SUPV3L1: variants seen among roughly 807,000 people sequenced by gnomAD.
The protein encoded by SUPV3L1 is ATP-dependent RNA helicase SUPV3L1, mitochondrial.
A neutral mutation model predicts 70.0 loss-of-function variants in SUPV3L1; 35 were observed. The observed-to-expected ratio is 0.50, with a 90% CI of 0.38 to 0.66. The LOEUF is 0.66. Ranked by LOEUF, SUPV3L1 falls within the 30% of genes least tolerant of loss-of-function variation. The probability of loss-of-function intolerance (pLI) is 0.00; values close to 1 mark genes in which losing one functional copy is unlikely to be tolerated. For missense variants in SUPV3L1, 777 were observed against 961.5 expected (o/e 0.81, Z 2.54); for synonymous variants, 364 against 341.9 (o/e 1.06, Z -0.71).
Position 69,203,052 on chromosome 10 carries a change from T to TTATC in SUPV3L1, c.1776+11_1776+14dup. ...GTTCTTCACTGTTACAGGTAAGCCT[T>TTATC]TATCTTTAAGCTATTTTGAGTTCCT... On this transcript the variant is annotated intron_variant, in intron 13 of 14. Transcript: ENST00000359655. 6.3e-7 allele frequency: 1 copy of TTATC among 1,596,458 alleles called. No homozygotes were observed. The highest frequency in any genetic ancestry group is 8.5e-7 in the Non-Finnish European group (1 of 1,171,532).
At position 69,180,318 on chromosome 10, in the gene SUPV3L1, G is replaced by C. The variant is rs991341104; in HGVS notation, c.27G>C (p.Trp9Cys). The C allele has an allele frequency of 4.2e-5, 67 of 1,613,790 alleles. No homozygotes were observed. Among genetic ancestry groups the C allele is most frequent in the Non-Finnish European group, 5.4e-5 (64 of 1,179,986 alleles). ...TGTCCTTCTCCCGTGCCCTATTGTG[G>C]GCTCGGCTCCCGGCGGGGCGCCAGG... MSFSRALL[W>C]ARLPAGRQAG... The change falls in exon 1 of 15, where the codon TGG becomes TGC. Residue 9 changes from tryptophan (W) to cysteine (C), a missense_variant. By Grantham distance (215) the Trp-to-Cys change is radical (BLOSUM62 -2). Transcript: ENST00000359655.
rs1408544878 is a variant in SUPV3L1, at chr10:69,208,801, G to T, written c.2127G>T (p.Arg709Ser). ...GAACCTTAAAGAGCCAAGCTAGAAG[G>T]ACACGCGGCACCAAAGCTCTAGGGA... The part of the protein sequence containing the change: ...LSGTLKSQAR[R>S]TRGTKALGSK... Residue 709 changes from arginine to serine, a missense_variant, in exon 15 of 15, where the codon AGG becomes AGT. Arg to Ser is a moderately radical substitution (Grantham distance 110). Around this residue, in one of 2 missense-constraint regions of SUPV3L1, gnomAD observed 619 missense variants for 823.3 expected, o/e 0.75. Coordinates refer to ENST00000359655, the MANE Select transcript of SUPV3L1 (RefSeq NM_003171.5). The T allele has an allele frequency of 6.2e-7, 1 of 1,614,148 alleles. No individual in the cohort carries two copies. The highest frequency in any genetic ancestry group is 8.5e-7 in the Non-Finnish European group (1 of 1,180,034).
chr10:69,208,958 C>T lies in SUPV3L1; in HGVS notation c.2284C>T (p.His762Tyr), dbSNP rs780893937. ...EKEWMTQQTEHNKEKTESGTH... is the reference protein window; with the variant it reads ...EKEWMTQQTEYNKEKTESGTH... ...AGAGTGGATGACACAACAAACTGAA[C>T]ACAACAAAGAAAAAACAGAGTCTGG... is the stretch of plus-strand genomic sequence containing the variant. The change falls in exon 15 of 15, where the codon CAC becomes TAC. Residue 762 changes from histidine (H) to tyrosine (Y), a missense_variant. His to Tyr is a moderately conservative substitution (Grantham distance 83). This residue lies in a region of SUPV3L1 where 619 missense variants were observed against 823.3 expected (regional missense o/e 0.75). Transcript: ENST00000359655. 1 of 1,613,010 alleles carries T rather than the reference C, an allele frequency of 6.2e-7. No individual in the cohort carries two copies.
intron 2 of SUPV3L1, 110 bp from the exon 3 acceptor site, chr10:69,186,333 A>G (rs1166203774): frequency 1.3e-5 from 9 of 698,572 alleles, no homozygotes; most frequent in Admixed American, 1.1e-4. Context: ...GCCAAAAAAA[A>G]AAAAAAAAAA....
At position 69,180,620 on chromosome 10, in the gene SUPV3L1, T is replaced by C. The variant is rs1842027815; in HGVS notation, c.271+58T>C. On this transcript the variant is annotated intron_variant, in intron 1 of 14. Coordinates refer to ENST00000359655, the MANE Select transcript of SUPV3L1 (RefSeq NM_003171.5). ...GTGGTGTCTGCTGGGCCGAGGCTGG[T>C]TGGGAGGAAGCTACATCCCCTTCCC... 1.1e-5 allele frequency: 18 copies of C among 1,591,214 alleles called. No homozygotes were observed. In the Middle Eastern group the frequency reaches 8.4e-4, roughly 74 times the overall value.
Position 69,186,486 on chromosome 10 carries a change from T to A in SUPV3L1, c.393T>A (p.Ile131=). 2 of 1,614,060 alleles carry A rather than the reference T, an allele frequency of 1.2e-6. No individual in the cohort carries two copies. The highest frequency in any genetic ancestry group is 1.7e-6 in the Non-Finnish European group (2 of 1,179,992). ...CTTTCATAAGCTTTAGAAATTATAT[T>A]ATGCAGTCTCATTCCCTGGATGTGG... ...HQAFISFRNY[I]MQSHSLDVDI... Residue 131 remains isoleucine (I), a synonymous_variant, in exon 3 of 15, where the codon ATT becomes ATA. Transcript: ENST00000359655.
intron 13 of SUPV3L1, among the ~76,000 whole-genome samples, chr10:69,205,835 G>A (rs1201827333): frequency 6.6e-6 from 1 of 152,128 alleles, no homozygotes; most frequent in Admixed American, 6.5e-5. Context: ...ACACCCGGCC[G>A]CTCCGTGTGT....
rs546284790 is a variant in SUPV3L1 at position 69,197,409 on chromosome 10, C to CA, written c.1023+329dup. Among the ~76,000 whole-genome samples the CA allele has an allele frequency of 2.0e-5, 3 of 152,268 alleles. No individual in the cohort carries two copies. The South Asian group carries it at 6.2e-4, about 32-fold the overall frequency. ...GGAGACCCAGCAAGTTTGTCGTTTT[C>CA]AAAGTGTTGTATGTCAGATATTGGG... On this transcript the variant is annotated intron_variant, in intron 8 of 14. Transcript: ENST00000359655.
Position 69,195,216 on chromosome 10 carries a change from A to C in SUPV3L1, c.882A>C (p.Gln294His). 1 of 1,613,348 alleles carries C rather than the reference A, an allele frequency of 6.2e-7. No homozygotes were observed. Among genetic ancestry groups the C allele is most frequent in the Non-Finnish European group, 8.5e-7 (1 of 1,179,718 alleles). Reference protein sequence around the residue: ...PYEVAVIDEIQMIRDPARGWA... With the variant: ...PYEVAVIDEIHMIRDPARGWA... ...AAGTGGCTGTAATTGATGAAATTCA[A>C]ATGATTAGAGATCCAGCCAGAGGAT... Residue 294 changes from glutamine (Q) to histidine (H), a missense_variant, in exon 7 of 15, where the codon CAA becomes CAC. Around this residue, in one of 2 missense-constraint regions of SUPV3L1, gnomAD observed 619 missense variants for 823.3 expected, o/e 0.75. Coordinates refer to ENST00000359655, the MANE Select transcript of SUPV3L1 (RefSeq NM_003171.5).
rs565635337 is a variant in SUPV3L1, at chr10:69,200,311, A to G, written c.1330A>G (p.Ile444Val). The G allele has an allele frequency of 1.2e-6, 2 of 1,613,978 alleles. No individual in the cohort carries two copies. The highest frequency in any genetic ancestry group is 1.3e-5 in the African/African-American group (1 of 74,926). The change falls in exon 11 of 15, where the codon ATA (isoleucine) becomes GTA (valine). Residue 444 changes from isoleucine to valine, a missense_variant. Transcript: ENST00000359655. The stretch of plus-strand genomic sequence containing the variant: ...AAGGAGAATTATTTTTTACTCCCTT[A>G]TAAAGCCCAGTATCAATGAAAAGGG... ...SIRRIIFYSLIKPSINEKGER... is the reference protein window; with the variant it reads ...SIRRIIFYSLVKPSINEKGER...
At position 69,181,571 on chromosome 10, in the gene SUPV3L1, A is replaced by C. The variant is rs553180829; in HGVS notation, c.271+1009A>C. Among the ~76,000 whole-genome samples, 12 of 152,268 alleles carry C rather than the reference A, an allele frequency of 7.9e-5. No individual in the cohort carries two copies. In the South Asian group the frequency reaches 1.5e-3, roughly 18 times the overall value. On this transcript the variant is annotated intron_variant, in intron 1 of 14. Coordinates refer to ENST00000359655, the MANE Select transcript of SUPV3L1 (RefSeq NM_003171.5). The stretch of plus-strand genomic sequence containing the variant: ...GACTGTCTTTATTTTCTGCTGTTAT[A>C]ACATAATACCTGAGACTGAGTAATT...
intron 9 of SUPV3L1, 72 bp downstream of exon 9, chr10:69,198,624 A>T (rs939523272): frequency 5.6e-6 from 8 of 1,436,166 alleles, no homozygotes; most frequent in African/African-American, 2.9e-5. Context: ...GATATATATA[A>T]AAAAATGGTA....
chr10:69,184,620 C>CACACAA (rs1308521999), intron 1 of SUPV3L1, among the ~76,000 whole-genome samples: 2 of 142,310 alleles, frequency 1.4e-5, no homozygotes, highest in African/African-American at 5.7e-5. Flanking sequence ...TATAAATACA[C>CACACAA]ACACACACAC....
chr10:69,199,246 G>T, intron 10 of SUPV3L1, 49 bp downstream of exon 10: 1 of 1,437,792 alleles, frequency 7.0e-7, no homozygotes, highest in Non-Finnish European at 9.5e-7. Context: ...GTTAAATGGT[G>T]GTTTTTTTGT....
chr10:69,193,540 G>C (rs948678008), intron 6 of SUPV3L1, among the ~76,000 whole-genome samples: 6 of 148,544 alleles, frequency 4.0e-5, no homozygotes, highest in Non-Finnish European at 8.9e-5. Flanking sequence ...TTGCAGTCGT[G>C]ACCTCCTGGG....
intron 5 of SUPV3L1, among the ~76,000 whole-genome samples, chr10:69,191,059 A>G (rs1465725557): frequency 6.6e-6 from 1 of 152,206 alleles, no homozygotes; most frequent in African/African-American, 2.4e-5. Context: ...ATTTTAATGA[A>G]GTCAAATAGT....
Position 69,200,287 on chromosome 10 carries a change from A to AG in SUPV3L1, c.1308dup (p.Arg437GlufsTer14). The AG allele has an allele frequency of 6.2e-7, 1 of 1,613,096 alleles. No homozygotes were observed. Among genetic ancestry groups the AG allele is most frequent in the Non-Finnish European group, 8.5e-7 (1 of 1,179,490 alleles). On this transcript the variant is annotated frameshift_variant, in exon 11 of 15. Transcript: ENST00000359655. LOFTEE classifies it high-confidence loss of function. ...CTTTTATTTCTGTTTCAGGAGCATAAGGAGAATTATTTTTTACTCCCTTAT... is the reference window on the plus strand; with the variant it reads ...CTTTTATTTCTGTTTCAGGAGCATAAGGGAGAATTATTTTTTACTCCCTTAT...
In SUPV3L1 at chr10:69,189,372, T is replaced by C; in HGVS notation, c.678T>C (p.Ser226=). ...HAIQKYFSAK[S]GVYCGPLKLL... is the part of the protein sequence containing the mutation. ...TCCAGAAATACTTCTCAGCAAAGTC[T>C]GGAGTGTATTGTGGCCCTCTAAAAT... The change falls in exon 5 of 15, where the codon TCT becomes TCC. Residue 226 remains serine (S), a synonymous_variant. Coordinates refer to ENST00000359655, the MANE Select transcript of SUPV3L1 (RefSeq NM_003171.5). 6.2e-7 allele frequency: 1 copy of C among 1,614,122 alleles called. No individual in the cohort carries two copies. Among genetic ancestry groups the C allele is most frequent in the Non-Finnish European group, 8.5e-7 (1 of 1,179,998 alleles).
At chr10:69,186,325 CAAAAAAAAAAA>C (rs34197871) in intron 2 of SUPV3L1, 107 bp from the exon 3 acceptor site, 26 of 400,246 alleles carry the variant, frequency 6.5e-5, no homozygotes, top group Non-Finnish European at 8.9e-5. Context: ...GCTGTACTGC[CAAAAAAAAAAA>C]AAAAAAAAGA....
Sources: gnomAD v4.1 joint callset for allele counts (sites outside exome capture counted in the v4.1 genomes callset) on GRCh38, gnomAD v4.1.1 for gene constraint, gnomAD v4.1.1 regional missense constraint, MANE v1.5 for transcripts, NCBI Gene and HGNC (gene_info 2026-07-23, HGNC 2026-07-21) for gene names.